The following PPP2R1B variants were observed in gnomAD, a reference collection of about 807,000 sequenced individuals.
PPP2R1B encodes the protein protein phosphatase 2 scaffold subunit Abeta.
In PPP2R1B, 58 loss-of-function variants were observed where a neutral mutation model predicts 72.7. The observed-to-expected ratio is 0.80, with a 90% CI of 0.65 to 0.99. The LOEUF (loss-of-function observed/expected upper bound fraction) is 0.99. Among genes scored for constraint, PPP2R1B ranks in the 50% least tolerant of loss-of-function variants. The pLI, the probability that PPP2R1B is intolerant of heterozygous loss-of-function variation, is 0.00. For synonymous variants in PPP2R1B, 256 were observed against 264.6 expected, an observed-to-expected ratio of 0.97 and a Z score of 0.32; for missense variants, 695 against 733.6, an observed-to-expected ratio of 0.95 and a Z score of 0.61.
the PPP2R1B span, among the ~76,000 whole-genome samples, chr11:111,709,880 G>A: frequency 6.6e-6 from 1 of 152,198 alleles, no homozygotes; most frequent in East Asian, 1.9e-4. Context: ...AGGACTATGT[G>A]CTACGCTTGG....
At chr11:111,722,687 C>T, downstream of PPP2R1B, 1 of 1,614,132 alleles carries the variant, frequency 6.2e-7, no homozygotes, top group Non-Finnish European at 8.5e-7. The surrounding 1 kb of genome is among the most constrained non-coding windows in gnomAD (Gnocchi z 4.4). Context: ...CTGTCAAAGG[C>T]CCAGAACACC....
rs975680865 is a variant in PPP2R1B at position 111,738,122 on chromosome 11, G to A, written c.*3474C>T. 2.0e-6 allele frequency: 2 copies of A among 988,082 alleles called. No individual in the cohort carries two copies. The highest frequency in any genetic ancestry group is 9.3e-5 in the South Asian group (2 of 21,474). The allele number at this position is 988,082 out of a possible 1,614,324, so 61.2% of individuals were successfully genotyped here. ...AAAGAGGAGAGTAAGGAACTGGATG[G>A]AAACAGGAATACTGGAGAATCAAAG... On this transcript the variant is annotated 3_prime_UTR_variant, in exon 15 of 15. Transcript: ENST00000527614.
At chr11:111,736,233 G>A (rs1161538835), downstream of PPP2R1B, among the ~76,000 whole-genome samples, 1 of 152,190 alleles carries the variant, frequency 6.6e-6, no homozygotes, top group Non-Finnish European at 1.5e-5. Flanking sequence ...CTTATTCTCA[G>A]TAACTCCTCG....
downstream of PPP2R1B, chr11:111,723,970 G>T (rs769532950): frequency 2.5e-6 from 4 of 1,614,034 alleles, no homozygotes; most frequent in Non-Finnish European, 3.4e-6. Flanking sequence ...GAGCCCAGCA[G>T]AGCGACCTAA....
the PPP2R1B span, among the ~76,000 whole-genome samples, chr11:111,706,695 C>T: frequency 6.6e-6 from 1 of 152,074 alleles, no homozygotes; most frequent in African/African-American, 2.4e-5. Context: ...GGCGTGGTGG[C>T]TCACACCTGT....
chr11:111,722,588 A>C (rs1943834737), downstream of PPP2R1B: 4 of 1,339,744 alleles, frequency 3.0e-6, no homozygotes, highest in Non-Finnish European at 4.2e-6. This position sits in a 1 kb window ranked among gnomAD's most constrained non-coding sequence, Gnocchi z 4.4. Flanking sequence ...TTCATCCTGC[A>C]GGCAGAAGCA....
At chr11:111,761,119 C>A in intron 3 of PPP2R1B, 68 bp from the exon 4 acceptor site, 1 of 1,327,906 alleles carries the variant, frequency 7.5e-7, no homozygotes, top group South Asian at 1.2e-5. Context: ...AGATAATCAC[C>A]TTTTAAAGTG....
the PPP2R1B span, chr11:111,712,293 A>G: frequency 6.2e-7 from 1 of 1,614,008 alleles, no homozygotes; most frequent in Non-Finnish European, 8.5e-7. Flanking sequence ...CAGGCATCCA[A>G]CGTGGAGGCC....
chr11:111,765,266 A>AC, intron 2 of PPP2R1B, 28 bp downstream of exon 2: 1 of 1,574,618 alleles, frequency 6.4e-7, no homozygotes, highest in Non-Finnish European at 8.7e-7. Flanking sequence ...GAATGTCCCT[A>AC]CCTTTCTTTA....
chr11:111,694,962 C>G, the PPP2R1B span, among the ~76,000 whole-genome samples: 1 of 152,200 alleles, frequency 6.6e-6, no homozygotes, highest in Non-Finnish European at 1.5e-5. Flanking sequence ...TCCCTTCCCT[C>G]CTGTCAGATG....
chr11:111,766,365 C>G lies in PPP2R1B; in HGVS notation c.-4G>C, dbSNP rs781963026. 21 of 1,508,146 alleles carry G rather than the reference C, an allele frequency of 1.4e-5. No individual in the cohort carries two copies. The highest frequency in any genetic ancestry group is 3.5e-4 in the Middle Eastern group (2 of 5,710). The allele number at this position is 1,508,146 out of a possible 1,614,324, so 93.4% of individuals were successfully genotyped here. A position where few individuals can be genotyped will look rare whatever the true frequency, so the allele number is the denominator to read the frequency against. On this transcript the variant is annotated 5_prime_UTR_variant, in exon 1 of 15. Coordinates refer to ENST00000527614, the MANE Select transcript of PPP2R1B (RefSeq NM_002716.5). The stretch of plus-strand genomic sequence containing the variant: ...CGAGCTCTGATGCGCCCGCCATGTT[C>G]TTTCTCCTCCTGCTGCTGGTCACCG...
chr11:111,730,544 G>A (rs1944153797), intron 15 of PPP2R1B: 1 of 152,178 alleles, frequency 6.6e-6, no homozygotes, highest in Admixed American at 6.5e-5. Context: ...TGGTCTGAAA[G>A]AGTTACTTTT....
At chr11:111,741,716 A>AC in intron 14 of PPP2R1B, 104 bp from the exon 15 acceptor site, 1 of 1,266,270 alleles carries the variant, frequency 7.9e-7, no homozygotes, top group African/African-American at 1.5e-5. Flanking sequence ...TCAAACTAAC[A>AC]ACTTCTCACT....
At chr11:111,748,876 T>G (rs1944798630) in intron 10 of PPP2R1B, among the ~76,000 whole-genome samples, 1 of 152,076 alleles carries the variant, frequency 6.6e-6, no homozygotes, top group Non-Finnish European at 1.5e-5. Flanking sequence ...AGATGGAGTC[T>G]CACTCTATTG....
chr11:111,754,765 G>C (rs781987599), intron 7 of PPP2R1B, among the ~76,000 whole-genome samples, 196 bp from the exon 8 acceptor site: 1 of 151,798 alleles, frequency 6.6e-6, no homozygotes, highest in African/African-American at 2.4e-5. Flanking sequence ...CAACCTGAAA[G>C]GCATTTTTTT....
downstream of PPP2R1B, chr11:111,724,479 C>G (rs1280159643): frequency 7.3e-6 from 2 of 272,596 alleles, no homozygotes; most frequent in Non-Finnish European, 1.4e-5. Context: ...TCAAGGGCAA[C>G]CTTGGTGAAA....
chr11:111,738,716 G>A lies in PPP2R1B; in HGVS notation c.*2880C>T. On this transcript the variant is annotated 3_prime_UTR_variant, in exon 15 of 15. Coordinates refer to ENST00000527614, the MANE Select transcript of PPP2R1B (RefSeq NM_002716.5). ...CATATTCACCTGCCTTCCTTCTTAT[G>A]AAACAAGATGCATCCTCAGGTTCAC... 1 of 985,416 alleles carries A rather than the reference G, an allele frequency of 1.0e-6. No homozygotes were observed. Among genetic ancestry groups the A allele is most frequent in the Non-Finnish European group, 1.2e-6 (1 of 829,926 alleles). 61.0% of individuals were successfully genotyped at this position (985,416 alleles called of 1,614,324 possible).
chr11:111,755,132 C>G, intron 6 of PPP2R1B, 38 bp from the exon 7 acceptor site: 6 of 1,560,834 alleles, frequency 3.8e-6, no homozygotes, highest in Non-Finnish European at 5.3e-6. Flanking sequence ...TGTATACTAA[C>G]AAAAGAATTA....
chr11:111,714,780 C>T, the PPP2R1B span, among the ~76,000 whole-genome samples: 3 of 152,110 alleles, frequency 2.0e-5, no homozygotes, highest in African/African-American at 7.2e-5. Flanking sequence ...CAGTGTTGAC[C>T]GAAAGGATTT....
Sources: allele counts gnomAD v4.1 joint callset (sites outside exome capture counted in the v4.1 genomes callset), GRCh38; gene constraint gnomAD v4.1.1; non-coding constraint Gnocchi (gnomAD v3.1); transcripts MANE v1.5; gene names NCBI Gene and HGNC (gene_info 2026-07-23, HGNC 2026-07-21).